Variants in TRIM2 observed in about 807,000 individuals in gnomAD.
TRIM2 encodes tripartite motif containing 2.
A neutral mutation model predicts 75.2 loss-of-function variants in TRIM2; 20 were observed. That is an observed-to-expected ratio of 0.27 (90% CI 0.19 to 0.39). The LOEUF (loss-of-function observed/expected upper bound fraction) is 0.39. Ranked by LOEUF, TRIM2 falls within the 10% of genes least tolerant of loss-of-function variation. The pLI is 1.00. For synonymous variants in TRIM2, 373 were observed against 388.3 expected (o/e 0.96, Z 0.46); for missense variants, 660 against 990.8 (o/e 0.67, Z 4.48).
At chr4:153,266,362 G>A (rs1193677694) in intron 1 of TRIM2, among the ~76,000 whole-genome samples, 2 of 43,542 alleles carry the variant, frequency 4.6e-5, no homozygotes, top group African/African-American at 2.5e-4. Context: ...TTTTTTTTTT[G>A]AGACGGAGTC....
chr4:153,240,941 G>A (rs1746396508), intron 1 of TRIM2, among the ~76,000 whole-genome samples: 1 of 152,202 alleles, frequency 6.6e-6, no homozygotes, highest in Non-Finnish European at 1.5e-5. Flanking sequence ...GCTGGGCGTG[G>A]TGACGCACAG....
At chr4:153,217,029 A>G (rs2149734145) in intron 1 of TRIM2, among the ~76,000 whole-genome samples, 1 of 152,346 alleles carries the variant, frequency 6.6e-6, no homozygotes, top group Non-Finnish European at 1.5e-5. Context: ...TTTCTCCCCA[A>G]CATCTTACCA....
At chr4:153,235,277 G>C (rs538615987) in intron 1 of TRIM2, among the ~76,000 whole-genome samples, 7 of 148,978 alleles carry the variant, frequency 4.7e-5, no homozygotes, top group African/African-American at 1.8e-4. Context: ...CTGCTTCATA[G>C]AGTTAAGATA....
intron 6 of TRIM2, among the ~76,000 whole-genome samples, chr4:153,313,957 AAAT>A (rs1393820042): frequency 6.6e-6 from 1 of 152,170 alleles, no homozygotes; most frequent in Non-Finnish European, 1.5e-5. Flanking sequence ...TTTTGAATAT[AAAT>A]GAAATTATAA....
chr4:153,254,791 A>ATAG, intron 1 of TRIM2, among the ~76,000 whole-genome samples: 1 of 152,330 alleles, frequency 6.6e-6, no homozygotes, highest in East Asian at 1.9e-4. Context: ...TTTAACCCAT[A>ATAG]TAGTAGTTAA....
intron 6 of TRIM2, among the ~76,000 whole-genome samples, chr4:153,296,696 C>T (rs1762848130): frequency 1.3e-5 from 2 of 152,192 alleles, no homozygotes; most frequent in African/African-American, 4.8e-5. Context: ...TGCAAATAGC[C>T]CTTCCCTCCT....
chr4:153,256,139 TA>T (rs1457817657), intron 1 of TRIM2, among the ~76,000 whole-genome samples: 1 of 152,204 alleles, frequency 6.6e-6, no homozygotes, highest in African/African-American at 2.4e-5. Context: ...AATGAAGCTT[TA>T]AAAAAATCCA....
chr4:153,200,791 T>G (rs1734271970), upstream of TRIM2, among the ~76,000 whole-genome samples: 1 of 140,128 alleles, frequency 7.1e-6, no homozygotes, highest in South Asian at 2.3e-4. Flanking sequence ...CATTGTGGTT[T>G]TTTTTCTTTT....
intron 1 of TRIM2, among the ~76,000 whole-genome samples, chr4:153,244,386 T>TCTTCTC: frequency 1.3e-5 from 1 of 74,352 alleles, no homozygotes; most frequent in Non-Finnish European, 2.3e-5. Context: ...TTCTTCTTCT[T>TCTTCTC]CTTCTTCTTC....
At chr4:153,213,303 T>C (rs1322494526) in intron 1 of TRIM2, among the ~76,000 whole-genome samples, 1 of 152,230 alleles carries the variant, frequency 6.6e-6, no homozygotes, top group Admixed American at 6.5e-5. Flanking sequence ...TATATTCTTT[T>C]GCATGAATGT....
intron 6 of TRIM2, among the ~76,000 whole-genome samples, chr4:153,300,486 G>A (rs72967139): frequency 0.022 from 3,351 of 152,164 alleles, 70 homozygotes; most frequent in African/African-American, 0.053. Context: ...ATTCTAACAC[G>A]TATGAGGTAT....
intron 6 of TRIM2, among the ~76,000 whole-genome samples, chr4:153,301,190 CA>C (rs796141705): frequency 3.2e-3 from 441 of 137,938 alleles, no homozygotes; most frequent in Admixed American, 9.3e-3. Context: ...GACTCTATCT[CA>C]AAAAAAAAAA....
chr4:153,260,689 C>T, intron 1 of TRIM2, among the ~76,000 whole-genome samples: 1 of 41,262 alleles, frequency 2.4e-5, no homozygotes, highest in Non-Finnish European at 5.0e-5. Flanking sequence ...CCCACACACC[C>T]ACCCCCCCCC....
At chr4:153,311,894 T>TTTATTTATTTATTTA (rs1766409791) in intron 6 of TRIM2, among the ~76,000 whole-genome samples, 1 of 144,298 alleles carries the variant, frequency 6.9e-6, no homozygotes, top group Non-Finnish European at 1.5e-5. Context: ...GTTTTTATTC[T>TTTATTTATTTATTTA]TTTATTTATT....
intron 1 of TRIM2, among the ~76,000 whole-genome samples, chr4:153,156,303 G>A (rs753612330): frequency 1.3e-4 from 20 of 152,150 alleles, no homozygotes; most frequent in Non-Finnish European, 2.5e-4. Flanking sequence ...GGCATGTCAT[G>A]TCTTCCTGGC....
chr4:153,280,093 A>T (rs1479333823), intron 3 of TRIM2, among the ~76,000 whole-genome samples: 1 of 112,708 alleles, frequency 8.9e-6, no homozygotes, highest in African/African-American at 3.5e-5. Context: ...CCACCCCCCA[A>T]AAAAAGAATT....
At position 153,335,864 on chromosome 4, in the gene TRIM2, A is replaced by G. The variant is rs2149610403; in HGVS notation, c.*898A>G. 1.0e-6 allele frequency: 1 copy of G among 985,774 alleles called. No homozygotes were observed. Among genetic ancestry groups the G allele is most frequent in the Non-Finnish European group, 1.2e-6 (1 of 829,902 alleles). 61.1% of individuals were successfully genotyped at this position (985,774 alleles called of 1,614,324 possible). ...GAAAGCGAAAGCTTTACCTCCTGCAAATGTCAGCACATGTAGTAGGACACC... is the reference window on the plus strand; with the variant it reads ...GAAAGCGAAAGCTTTACCTCCTGCAGATGTCAGCACATGTAGTAGGACACC... On this transcript the variant is annotated 3_prime_UTR_variant, in exon 12 of 12. Transcript: ENST00000338700.
At chr4:153,218,724 T>C (rs975340883) in intron 1 of TRIM2, among the ~76,000 whole-genome samples, 3 of 152,184 alleles carry the variant, frequency 2.0e-5, no homozygotes, top group Non-Finnish European at 4.4e-5. Flanking sequence ...TATATGGTCT[T>C]GAGTTGTAGC....
intron 1 of TRIM2, among the ~76,000 whole-genome samples, chr4:153,243,122 G>C (rs148972286): frequency 1.3e-5 from 2 of 152,342 alleles, no homozygotes; most frequent in Admixed American, 6.5e-5. Flanking sequence ...CTGCCTTCCT[G>C]CTTCATTACT....
Sources: gnomAD v4.1 joint callset for allele counts (sites outside exome capture counted in the v4.1 genomes callset) on GRCh38, gnomAD v4.1.1 for gene constraint, MANE v1.5 for transcripts, NCBI Gene and HGNC (gene_info 2026-07-23, HGNC 2026-07-21) for gene names.